Variants in DSCAM observed in about 807,000 individuals in gnomAD.
DSCAM encodes cell adhesion molecule DSCAM.
A neutral mutation model predicts 217.7 loss-of-function variants in DSCAM; 47 were observed. That is an observed-to-expected ratio of 0.22 (90% CI 0.17 to 0.28). The LOEUF is 0.28. Among genes scored for constraint, DSCAM ranks in the 10% least tolerant of loss-of-function variants. The pLI is 1.00. For missense variants in DSCAM, 2,080 were observed against 2,618.3 expected, an observed-to-expected ratio of 0.79 and a Z score of 4.49; for synonymous variants, 1,056 against 1,015.3, an observed-to-expected ratio of 1.04 and a Z score of -0.76.
chr21:40,510,111 G>A (rs866271173), intron 3 of DSCAM, among the ~76,000 whole-genome samples: 3 of 152,146 alleles, frequency 2.0e-5, no homozygotes, highest in Non-Finnish European at 2.9e-5. Context: ...GTGACAGAGC[G>A]AGACTCCATC....
chr21:40,468,441 T>A (rs537326064), intron 3 of DSCAM, among the ~76,000 whole-genome samples: 2 of 152,332 alleles, frequency 1.3e-5, no homozygotes, highest in East Asian at 1.9e-4. Context: ...CAGAGACTTA[T>A]AATATTTCAG....
intron 20 of DSCAM, among the ~76,000 whole-genome samples, chr21:40,105,159 C>T (rs2089802333): frequency 6.6e-6 from 1 of 151,966 alleles, no homozygotes; most frequent in South Asian, 2.1e-4. Context: ...TTTTAAAGGC[C>T]AAGATTTCTA....
At chr21:40,707,381 T>C (rs1326750054) in intron 2 of DSCAM, among the ~76,000 whole-genome samples, 3 of 152,224 alleles carry the variant, frequency 2.0e-5, no homozygotes, top group Non-Finnish European at 4.4e-5. Flanking sequence ...TTCTTTCTTA[T>C]GTGAATTCTC....
intron 3 of DSCAM, among the ~76,000 whole-genome samples, chr21:40,484,962 T>C (rs1202057900): frequency 2.6e-5 from 4 of 152,200 alleles, no homozygotes; most frequent in Admixed American, 2.0e-4. Context: ...CTTTCTTTGC[T>C]CCTGCTCCTT....
rs1555892992 is a variant in DSCAM, at chr21:40,827,483, A to AAAG, written c.43+19135_43+19136insCTT. Among the ~76,000 whole-genome samples, 425 of 133,432 alleles carry AAAG rather than the reference A, an allele frequency of 3.2e-3. 13 individuals carry two copies. Among genetic ancestry groups the AAAG allele is most frequent in the East Asian group, 7.5e-3 (34 of 4,560 alleles). The allele number at this position is 133,432 out of a possible 152,430, so 87.5% of individuals were successfully genotyped here. ...GTCCATGTCTCAAAAAAAAAAAAAA[A>AAAG]AAAGAAAAGAAAGAAAGAAAATAAA... On this transcript the variant is annotated intron_variant, in intron 1 of 32. Coordinates refer to ENST00000400454, the MANE Select transcript of DSCAM (RefSeq NM_001389.5).
At chr21:40,786,039 C>T (rs1376623910) in intron 1 of DSCAM, among the ~76,000 whole-genome samples, 1 of 152,146 alleles carries the variant, frequency 6.6e-6, no homozygotes, top group South Asian at 2.1e-4. Context: ...GAGTTCCAGG[C>T]CAGCCTGACC....
At chr21:40,160,969 C>G (rs2090534689) in intron 16 of DSCAM, among the ~76,000 whole-genome samples, 1 of 152,312 alleles carries the variant, frequency 6.6e-6, no homozygotes, top group Non-Finnish European at 1.5e-5. Flanking sequence ...TGGAGAGGTA[C>G]AGCTTTTTCA....
intron 8 of DSCAM, among the ~76,000 whole-genome samples, chr21:40,331,145 TAGTAGGAGAA>T (rs1467375463): frequency 1.3e-5 from 2 of 152,060 alleles, no homozygotes; most frequent in African/African-American, 4.8e-5. Flanking sequence ...TCTAGAGAGA[TAGTAGGAGAA>T]AGTGGAAGAA....
intron 1 of DSCAM, among the ~76,000 whole-genome samples, chr21:40,804,319 G>T (rs546316565): frequency 6.6e-6 from 1 of 152,318 alleles, no homozygotes; most frequent in Non-Finnish European, 1.5e-5. Context: ...AATTCAAAAT[G>T]CACGCTCTGC....
chr21:40,738,765 C>T (rs2091091294), intron 1 of DSCAM, among the ~76,000 whole-genome samples: 1 of 152,228 alleles, frequency 6.6e-6, no homozygotes, highest in Admixed American at 6.5e-5. Flanking sequence ...CAGGGGACCA[C>T]ACTTGGAGAA....
chr21:40,015,654 C>T (rs1424741444), intron 32 of DSCAM, among the ~76,000 whole-genome samples: 1 of 152,134 alleles, frequency 6.6e-6, no homozygotes, highest in East Asian at 1.9e-4. Flanking sequence ...CCAGGCTGGT[C>T]TCAAACTCTT....
chr21:40,049,684 G>A (rs933111323), intron 30 of DSCAM, among the ~76,000 whole-genome samples: 4 of 152,262 alleles, frequency 2.6e-5, no homozygotes, highest in East Asian at 1.9e-4. Flanking sequence ...CTGAATGAAC[G>A]CATTAACATT....
chr21:40,126,668 C>T (rs751713395), intron 19 of DSCAM, among the ~76,000 whole-genome samples: 2 of 152,178 alleles, frequency 1.3e-5, no homozygotes, highest in African/African-American at 2.4e-5. Flanking sequence ...TCAGGTACTT[C>T]CTGGCCACTG....
intron 3 of DSCAM, among the ~76,000 whole-genome samples, chr21:40,518,626 A>G (rs1294426611): frequency 7.9e-6 from 1 of 126,596 alleles, no homozygotes; most frequent in African/African-American, 3.2e-5. Context: ...ATATATATAC[A>G]TACACACACA....
intron 3 of DSCAM, among the ~76,000 whole-genome samples, chr21:40,453,535 C>T (rs1334487256): frequency 6.6e-6 from 1 of 152,172 alleles, no homozygotes; most frequent in African/African-American, 2.4e-5. Flanking sequence ...AACGATTTTC[C>T]AGCTATCCTT....
intron 24 of DSCAM, among the ~76,000 whole-genome samples, chr21:40,081,587 C>A (rs764328882): frequency 6.6e-6 from 1 of 152,118 alleles, no homozygotes; most frequent in Non-Finnish European, 1.5e-5. Flanking sequence ...GCACCTGCTC[C>A]CAGCCACATC....
chr21:40,421,668 C>T (rs1358425976), intron 3 of DSCAM, among the ~76,000 whole-genome samples: 1 of 152,222 alleles, frequency 6.6e-6, no homozygotes, highest in Non-Finnish European at 1.5e-5. Flanking sequence ...CTTTGGCTCT[C>T]AGGAGAGATA....
At chr21:40,212,094 C>T (rs1229995460) in intron 11 of DSCAM, among the ~76,000 whole-genome samples, 1 of 151,946 alleles carries the variant, frequency 6.6e-6, no homozygotes, top group African/African-American at 2.4e-5. Flanking sequence ...CTCAGCCTCC[C>T]AAGTAGCTGG....
At chr21:40,780,423 G>GTGTGTGTGTATATATATATATATA (rs1007015659) in intron 1 of DSCAM, among the ~76,000 whole-genome samples, 5 of 56,418 alleles carry the variant, frequency 8.9e-5, no homozygotes, top group African/African-American at 3.8e-4. Context: ...GTGTGTGTGT[G>GTGTGTGTGTATATATATATATATA]TATATATATA....
Sources: allele counts gnomAD v4.1 joint callset (sites outside exome capture counted in the v4.1 genomes callset), GRCh38; gene constraint gnomAD v4.1.1; transcripts MANE v1.5; gene names NCBI Gene and HGNC (gene_info 2026-07-23, HGNC 2026-07-21).